LRRC4C: variants seen among roughly 807,000 people sequenced by gnomAD.
LRRC4C encodes the protein leucine-rich repeat-containing protein 4C.
LRRC4C carries 5 observed loss-of-function variants against 33.6 expected under a neutral mutation model. The ratio of observed to expected loss-of-function variants is 0.15; its 90% CI spans 0.08 to 0.31. The LOEUF is 0.31. Ranked by LOEUF, LRRC4C falls within the 10% of genes least tolerant of loss-of-function variation. The pLI is 1.00. For missense variants in LRRC4C, 560 were observed against 796.7 expected (o/e 0.70, Z 3.58); for synonymous variants, 329 against 302.0 (o/e 1.09, Z -0.93).
chr11:41,298,415 C>CT (rs533979006), intron 1 of LRRC4C, among the ~76,000 whole-genome samples: 168 of 144,188 alleles, frequency 1.2e-3, no homozygotes, highest in Middle Eastern at 3.8e-3. Flanking sequence ...GGAAAGTGAA[C>CT]TTTTTTTTTT....
At chr11:41,170,988 A>C (rs984767007) in intron 1 of LRRC4C, among the ~76,000 whole-genome samples, 33 of 152,202 alleles carry the variant, frequency 2.2e-4, no homozygotes, top group Non-Finnish European at 4.3e-4. Context: ...ATGCAGCCAA[A>C]AAACACATGA....
intron 3 of LRRC4C, among the ~76,000 whole-genome samples, chr11:40,442,631 T>C (rs930582445): frequency 6.6e-6 from 1 of 152,198 alleles, no homozygotes; most frequent in East Asian, 1.9e-4. Context: ...AGTGTGATTC[T>C]CCAGGGAGAC....
At chr11:40,315,809 T>C (rs1258018580) in intron 4 of LRRC4C, among the ~76,000 whole-genome samples, 1 of 151,982 alleles carries the variant, frequency 6.6e-6, no homozygotes, top group Non-Finnish European at 1.5e-5. Flanking sequence ...CAAATTATAC[T>C]CTGAACAGCG....
At chr11:41,368,032 T>A (rs558434511) in intron 1 of LRRC4C, among the ~76,000 whole-genome samples, 41 of 152,204 alleles carry the variant, frequency 2.7e-4, no homozygotes, top group African/African-American at 9.2e-4. Context: ...CTTGGGAAAT[T>A]ACTTTCAATG....
chr11:40,663,284 T>G (rs993124584), intron 2 of LRRC4C, among the ~76,000 whole-genome samples: 1 of 152,280 alleles, frequency 6.6e-6, no homozygotes, highest in Admixed American at 6.5e-5. Context: ...GGTTTCGCCA[T>G]GTTGTTCAAG....
intron 1 of LRRC4C, among the ~76,000 whole-genome samples, chr11:41,147,925 G>GA (rs1227217056): frequency 1.4e-4 from 21 of 152,152 alleles, no homozygotes; most frequent in African/African-American, 5.1e-4. Flanking sequence ...CCTGTCTTTA[G>GA]AAAAATAAAA....
At chr11:41,252,702 AT>A (rs772858567) in intron 1 of LRRC4C, among the ~76,000 whole-genome samples, 4 of 152,148 alleles carry the variant, frequency 2.6e-5, no homozygotes, top group Non-Finnish European at 5.9e-5. Context: ...AGACTGGGTA[AT>A]TTATAAAGGA....
chr11:41,260,132 ATAG>A (rs908475077), intron 1 of LRRC4C, among the ~76,000 whole-genome samples: 2 of 152,020 alleles, frequency 1.3e-5, no homozygotes, highest in African/African-American at 2.4e-5. Context: ...TGCCTTTCAC[ATAG>A]TAGTCTGTCG....
chr11:41,012,917 C>G (rs1855313656), intron 1 of LRRC4C, among the ~76,000 whole-genome samples: 2 of 152,102 alleles, frequency 1.3e-5, no homozygotes, highest in Admixed American at 1.3e-4. Flanking sequence ...GACCTTTTGC[C>G]CATTTTAAAA....
intron 1 of LRRC4C, among the ~76,000 whole-genome samples, chr11:41,024,601 A>T (rs1432308840): frequency 6.6e-6 from 1 of 151,688 alleles, no homozygotes; most frequent in Non-Finnish European, 1.5e-5. Context: ...ACACCTCAGC[A>T]ACCTTATGTC....
At chr11:41,009,676 A>G (rs1235592390) in intron 1 of LRRC4C, among the ~76,000 whole-genome samples, 1 of 152,150 alleles carries the variant, frequency 6.6e-6, no homozygotes, top group Admixed American at 6.5e-5. Flanking sequence ...TATATTTTGC[A>G]TAAAATACAT....
At chr11:41,168,384 C>T (rs1006896166) in intron 1 of LRRC4C, among the ~76,000 whole-genome samples, 9 of 152,318 alleles carry the variant, frequency 5.9e-5, no homozygotes, top group African/African-American at 1.7e-4. Context: ...AAAATCCAGG[C>T]TCTCCACCAT....
chr11:40,352,090 C>T (rs1281371947), intron 3 of LRRC4C, among the ~76,000 whole-genome samples: 1 of 150,648 alleles, frequency 6.6e-6, no homozygotes, highest in Non-Finnish European at 1.5e-5. Context: ...ATAGTTCCTT[C>T]CTTCCTTTTT....
chr11:41,026,156 A>C (rs1039280354), intron 1 of LRRC4C, among the ~76,000 whole-genome samples: 1 of 151,710 alleles, frequency 6.6e-6, no homozygotes, highest in South Asian at 2.1e-4. Flanking sequence ...TCCTCTGATA[A>C]ATCTGGACAA....
intron 1 of LRRC4C, among the ~76,000 whole-genome samples, chr11:41,072,676 T>C (rs1938795142): frequency 6.6e-6 from 1 of 152,098 alleles, no homozygotes; most frequent in Non-Finnish European, 1.5e-5. Context: ...TAGTTCTTTA[T>C]AGCAATATGA....
intron 1 of LRRC4C, among the ~76,000 whole-genome samples, chr11:41,246,366 A>G (rs918036459): frequency 6.6e-6 from 1 of 152,186 alleles, no homozygotes; most frequent in Non-Finnish European, 1.5e-5. Context: ...CTCTGAAATC[A>G]GAACAGGCAC....
intron 2 of LRRC4C, among the ~76,000 whole-genome samples, chr11:40,830,237 T>C (rs1381435208): frequency 6.6e-6 from 1 of 152,120 alleles, no homozygotes; most frequent in Non-Finnish European, 1.5e-5. Flanking sequence ...TGGAACAGTA[T>C]GTCCAAAAGC....
chr11:40,860,165 C>T (rs977990617), intron 2 of LRRC4C, among the ~76,000 whole-genome samples: 8 of 151,704 alleles, frequency 5.3e-5, no homozygotes, highest in Non-Finnish European at 1.0e-4. Flanking sequence ...TGAAAGAGGT[C>T]AAACACAGAG....
chr11:41,285,173 GTCTA>G (rs1437399350), intron 1 of LRRC4C, among the ~76,000 whole-genome samples: 4 of 152,058 alleles, frequency 2.6e-5, no homozygotes, highest in South Asian at 2.1e-4. Flanking sequence ...TAATAATTCA[GTCTA>G]TCTTTCTATC....
Sources: gnomAD v4.1 joint callset for allele counts (sites outside exome capture counted in the v4.1 genomes callset) on GRCh38, gnomAD v4.1.1 for gene constraint, MANE v1.5 for transcripts, NCBI Gene and HGNC (gene_info 2026-07-23, HGNC 2026-07-21) for gene names.